Variants in EPC1 observed in about 807,000 individuals in gnomAD.
EPC1 encodes the protein enhancer of polycomb homolog 1.
EPC1 carries 12 observed loss-of-function variants against 98.4 expected under a neutral mutation model. The observed-to-expected ratio is 0.12, with a 90% confidence interval of 0.08 to 0.20. EPC1 has a LOEUF of 0.20. Among genes scored for constraint, EPC1 ranks in the 10% least tolerant of loss-of-function variants. The pLI is 1.00. For synonymous variants in EPC1, 357 were observed against 363.9 expected, an observed-to-expected ratio of 0.98 and a Z score of 0.21; for missense variants, 729 against 990.5, an observed-to-expected ratio of 0.74 and a Z score of 3.54.
intron 1 of EPC1, among the ~76,000 whole-genome samples, chr10:32,322,046 G>C (rs925477773): frequency 3.4e-4 from 51 of 148,078 alleles, no homozygotes; most frequent in African/African-American, 1.2e-3. Context: ...TAGCTCCTAA[G>C]ACTTAACTGC....
intron 6 of EPC1, among the ~76,000 whole-genome samples, chr10:32,289,625 A>C (rs1289691222): frequency 6.6e-6 from 1 of 151,528 alleles, no homozygotes; most frequent in Non-Finnish European, 1.5e-5. Flanking sequence ...AGTTTCATGA[A>C]ATTTTTTTTT....
chr10:32,332,083 G>C (rs1372685470), intron 1 of EPC1, among the ~76,000 whole-genome samples: 1 of 152,178 alleles, frequency 6.6e-6, no homozygotes, highest in Admixed American at 6.5e-5. Context: ...AGAAACACTT[G>C]TGCTAGTGCA....
At chr10:32,315,741 G>A (rs1044187858) in intron 1 of EPC1, among the ~76,000 whole-genome samples, 1 of 152,140 alleles carries the variant, frequency 6.6e-6, no homozygotes, top group Non-Finnish European at 1.5e-5. Flanking sequence ...ATACCACCTA[G>A]TTTTTCTACA....
chr10:32,319,608 TA>T (rs1018771882), intron 1 of EPC1, among the ~76,000 whole-genome samples: 266 of 152,266 alleles, frequency 1.7e-3, no homozygotes, highest in Non-Finnish European at 2.6e-3. Flanking sequence ...GTCACTCTAT[TA>T]AAAAAAGTCA....
chr10:32,375,650 C>T (rs1431348865), intron 1 of EPC1, among the ~76,000 whole-genome samples: 3 of 151,814 alleles, frequency 2.0e-5, no homozygotes, highest in Non-Finnish European at 4.4e-5. Flanking sequence ...CTCATTAGCC[C>T]CTCCCTCCAT....
chr10:32,271,464 A>G (rs1592528462), intron 13 of EPC1, 90 bp downstream of exon 13: 1 of 1,387,328 alleles, frequency 7.2e-7, no homozygotes, highest in East Asian at 2.3e-5. Context: ...GAAAAGAACA[A>G]GAAACACAAA....
At chr10:32,276,838 G>GT (rs1836127565) in intron 10 of EPC1, among the ~76,000 whole-genome samples, 1 of 152,312 alleles carries the variant, frequency 6.6e-6, no homozygotes, top group African/African-American at 2.4e-5. Flanking sequence ...TTTTTAGGTT[G>GT]TATGTCTACC....
intron 2 of EPC1, among the ~76,000 whole-genome samples, chr10:32,298,791 G>A (rs1185346582): frequency 6.6e-6 from 1 of 152,142 alleles, no homozygotes; most frequent in Non-Finnish European, 1.5e-5. Context: ...TGCTGTTATA[G>A]ATTTTATCTG....
chr10:32,325,811 A>G (rs1837241684), intron 1 of EPC1, among the ~76,000 whole-genome samples: 1 of 151,792 alleles, frequency 6.6e-6, no homozygotes, highest in Non-Finnish European at 1.5e-5. Context: ...CTATAAAGGC[A>G]AATTAACTTT....
intron 1 of EPC1, among the ~76,000 whole-genome samples, chr10:32,316,665 G>A (rs548084862): frequency 3.2e-4 from 49 of 152,266 alleles, no homozygotes; most frequent in African/African-American, 1.1e-3. Flanking sequence ...GGCAGGGACC[G>A]AGAAGGGGAA....
chr10:32,299,515 T>G (rs1283453599), intron 2 of EPC1, among the ~76,000 whole-genome samples: 1 of 148,790 alleles, frequency 6.7e-6, no homozygotes, highest in Non-Finnish European at 1.5e-5. Flanking sequence ...TGATGTTTTT[T>G]GGGTATGTCC....
intron 1 of EPC1, among the ~76,000 whole-genome samples, chr10:32,352,603 A>C (rs1839147846): frequency 6.6e-6 from 1 of 152,202 alleles, no homozygotes; most frequent in African/African-American, 2.4e-5. Context: ...AATCTGAAGC[A>C]TCGGTGAGCA....
intron 1 of EPC1, among the ~76,000 whole-genome samples, chr10:32,333,718 G>C (rs1280224672): frequency 6.6e-6 from 1 of 152,170 alleles, no homozygotes; most frequent in African/African-American, 2.4e-5. Context: ...CAAAAGCCCT[G>C]CTAGAATTTT....
At chr10:32,272,937 A>C (rs780659098) in intron 11 of EPC1, 68 of 1,153,144 alleles carry the variant, frequency 5.9e-5, no homozygotes, top group Non-Finnish European at 7.9e-5. Context: ...GGAAGACAGT[A>C]TCTTCATCTC....
chr10:32,287,313 A>G, intron 6 of EPC1, 39 bp from the exon 7 acceptor site: 1 of 1,601,372 alleles, frequency 6.2e-7, no homozygotes, highest in Non-Finnish European at 8.5e-7. Flanking sequence ...ACCAGAAACC[A>G]TGTTCAACAA....
intron 1 of EPC1, among the ~76,000 whole-genome samples, chr10:32,357,122 C>T (rs1839302358): frequency 6.6e-6 from 1 of 152,126 alleles, no homozygotes; most frequent in Admixed American, 6.5e-5. Context: ...AGGACATAGC[C>T]AGGGACACAG....
intron 1 of EPC1, among the ~76,000 whole-genome samples, chr10:32,368,886 C>A (rs773862908): frequency 3.9e-5 from 6 of 152,170 alleles, no homozygotes; most frequent in Non-Finnish European, 8.8e-5. Context: ...ATTGTGTTCT[C>A]TCAACAGCCA....
intron 2 of EPC1, among the ~76,000 whole-genome samples, chr10:32,304,155 G>C (rs1835739057): frequency 6.6e-6 from 1 of 152,016 alleles, no homozygotes; most frequent in South Asian, 2.1e-4. Context: ...TGACTTTACT[G>C]ACCACATATA....
At chr10:32,314,212 T>C in intron 1 of EPC1, among the ~76,000 whole-genome samples, 1 of 152,206 alleles carries the variant, frequency 6.6e-6, no homozygotes, top group Non-Finnish European at 1.5e-5. Flanking sequence ...CCATAGCTTA[T>C]AATTAAGCAA....
Sources: allele counts gnomAD v4.1 joint callset (sites outside exome capture counted in the v4.1 genomes callset), GRCh38; gene constraint gnomAD v4.1.1; transcripts MANE v1.5; gene names NCBI Gene and HGNC (gene_info 2026-07-23, HGNC 2026-07-21).